The following ANKS3 variants were observed in gnomAD, a reference collection of about 807,000 sequenced individuals.
The protein encoded by ANKS3 is ankyrin repeat and SAM domain-containing protein 3.
In ANKS3, 62 loss-of-function variants were observed where a neutral mutation model predicts 80.7. The ratio of observed to expected loss-of-function variants is 0.77; its 90% CI spans 0.63 to 0.95. The LOEUF (loss-of-function observed/expected upper bound fraction) is 0.95. Among genes scored for constraint, ANKS3 ranks in the 40% least tolerant of loss-of-function variants. ANKS3 has a pLI of 0.00. For synonymous variants in ANKS3, 489 were observed against 355.3 expected (o/e 1.38, Z -4.23); for missense variants, 1,150 against 883.6 (o/e 1.30, Z -3.82).
intron 17 of ANKS3, 30 bp from the exon 18 acceptor site, chr16:4,696,926 G>A (rs2079581732): frequency 2.6e-6 from 3 of 1,173,548 alleles, no homozygotes; most frequent in Non-Finnish European, 2.5e-6. Context: ...TGAGAAGGGA[G>A]GGGGACAGGT....
chr16:4,731,020 C>T (rs1029972127), intron 2 of ANKS3, among the ~76,000 whole-genome samples: 2 of 152,180 alleles, frequency 1.3e-5, no homozygotes. Context: ...GGATGCTACT[C>T]AGCATTAAAC....
At chr16:4,726,334 G>A (rs2081350078) in intron 5 of ANKS3, among the ~76,000 whole-genome samples, 1 of 152,084 alleles carries the variant, frequency 6.6e-6, no homozygotes, top group African/African-American at 2.4e-5. Flanking sequence ...GAAAATGGAA[G>A]GAATTTGCAT....
rs1272740086 is a variant in ANKS3 at position 4,697,979 on chromosome 16, G to A, written c.1808C>T (p.Ala603Val). Residue 603 changes from alanine to valine, a missense_variant and splice_region_variant, in exon 15 of 18, where the codon GCT (alanine) becomes GTT (valine). By Grantham distance (64) the Ala-to-Val change is moderately conservative (BLOSUM62 0). Transcript: ENST00000304283. ...AATLGLAVPP[A>V]DSKGWQASLQ... ...CGGAGTCAGGCCACTGCTCTTACCA[G>A]CTGGGGGGACGGCTAGGCCCAGAGT... is the stretch of plus-strand genomic sequence containing the variant. 6.3e-7 allele frequency: 1 copy of A among 1,589,874 alleles called. No homozygotes were observed. The highest frequency in any genetic ancestry group is 1.3e-5 in the African/African-American group (1 of 74,698).
At chr16:4,701,780 TG>T in intron 9 of ANKS3, 1 of 510,350 alleles carries the variant, frequency 2.0e-6, no homozygotes, top group Non-Finnish European at 3.5e-6. Context: ...TGGCACACGG[TG>T]GGCACTATGG....
Position 4,698,531 on chromosome 16 carries a change from C to G in ANKS3, c.1620G>C (p.Glu540Asp). 1.9e-6 allele frequency: 3 copies of G among 1,575,256 alleles called. No homozygotes were observed. The highest frequency in any genetic ancestry group is 2.6e-6 in the Non-Finnish European group (3 of 1,168,674). Residue 540 changes from glutamate to aspartate, a missense_variant, in exon 14 of 18, where the codon GAG (glutamate) becomes GAC (aspartate). Physicochemically the swap from Glu to Asp is conservative, Grantham distance 45. Transcript: ENST00000304283. ...CGCGGTCCTGCTCCAGCAGGCAGCT[C>G]TCCACCACGGCGCGCAGCTCCTGCT... is the stretch of plus-strand genomic sequence containing the variant. ...CQEQELRAVVESCLLEQDRAR... is the reference protein window; with the variant it reads ...CQEQELRAVVDSCLLEQDRAR...
At chr16:4,723,226 T>C (rs920609041) in intron 6 of ANKS3, among the ~76,000 whole-genome samples, 2 of 152,224 alleles carry the variant, frequency 1.3e-5, no homozygotes, top group Non-Finnish European at 2.9e-5. Context: ...GCTTCTCGTA[T>C]ATTCACAGTT....
intron 5 of ANKS3, among the ~76,000 whole-genome samples, chr16:4,725,868 C>G (rs1316934087): frequency 1.3e-5 from 2 of 151,796 alleles, no homozygotes; most frequent in African/African-American, 4.8e-5. Context: ...CCATGTTGGC[C>G]AGACTGGTCT....
Position 4,701,103 on chromosome 16 carries a change from C to T in ANKS3, c.1151G>A (p.Arg384His). 9 of 1,614,002 alleles carry T rather than the reference C, an allele frequency of 5.6e-6. No homozygotes were observed. The highest frequency in any genetic ancestry group is 6.8e-6 in the Non-Finnish European group (8 of 1,180,044). The change falls in exon 11 of 18, where the codon CGC becomes CAC. Residue 384 changes from arginine (R) to histidine (H), a missense_variant. Transcript: ENST00000304283. ...CTTCATGTAACTTTTAGCTTGTTTG[C>T]GAGCTGAGCTTTTACAGGCATGATC... Reference protein sequence around the residue: ...DSDHACKSSARKQAKSYMKTK... With the variant: ...DSDHACKSSAHKQAKSYMKTK...
intron 11 of ANKS3, 156 bp downstream of exon 11, chr16:4,700,814 C>T (rs759519149): frequency 3.0e-5 from 30 of 992,806 alleles, no homozygotes; most frequent in African/African-American, 6.3e-5. Flanking sequence ...GCCATGGAGC[C>T]GGCTGTGAGC....
At chr16:4,720,161 C>CAAAAA (rs34135519) in intron 6 of ANKS3, among the ~76,000 whole-genome samples, 2 of 61,058 alleles carry the variant, frequency 3.3e-5, no homozygotes, top group Admixed American at 1.9e-4. Flanking sequence ...GACCCCACCC[C>CAAAAA]AAAAAAAAAA....
chr16:4,716,567 C>T (rs2080809068), intron 6 of ANKS3, among the ~76,000 whole-genome samples: 1 of 151,928 alleles, frequency 6.6e-6, no homozygotes, highest in African/African-American at 2.4e-5. Flanking sequence ...TCTAGAGTGC[C>T]CCCCATCCTA....
At position 4,702,232 on chromosome 16, in the gene ANKS3, A is replaced by G. The variant is rs770886046; in HGVS notation, c.879T>C (p.Pro293=). ...RAPRPRYEQA[P]PRGYVTFNSS... is the part of the protein sequence containing the mutation. ...TGTTGAAGGTGACATAGCCACGGGG[A>G]GGAGCCTGCTCTGTGTACAGAATGG... The change falls in exon 9 of 18, where the codon CCT becomes CCC. Residue 293 remains proline, a synonymous_variant. Coordinates refer to ENST00000304283, the MANE Select transcript of ANKS3 (RefSeq NM_133450.4). 4 of 1,582,732 alleles carry G rather than the reference A, an allele frequency of 2.5e-6. 1 individual carries two copies. The South Asian group carries it at 4.6e-5, about 18-fold the overall frequency.
At chr16:4,717,225 G>A (rs182384646) in intron 6 of ANKS3, among the ~76,000 whole-genome samples, 18 of 152,074 alleles carry the variant, frequency 1.2e-4, no homozygotes, top group African/African-American at 4.1e-4. Flanking sequence ...CTGGGCAACA[G>A]ACGAAGCAAG....
At position 4,700,987 on chromosome 16, in the gene ANKS3, G is replaced by A. The variant is rs764313516; in HGVS notation, c.1267C>T (p.Pro423Ser). Residue 423 changes from proline (P) to serine (S), a missense_variant, in exon 11 of 18, where the codon CCC becomes TCC. Pro to Ser is a moderately conservative substitution (Grantham distance 74). Coordinates refer to ENST00000304283, the MANE Select transcript of ANKS3 (RefSeq NM_133450.4). The stretch of plus-strand genomic sequence containing the variant: ...GGTCTTACCTGGGGTCCTGAGTAGG[G>A]GGCCCTCTGAGTCTGGGGGCTGGAC... ...AESSPQTQRAPYSGPQDLAAL... is the reference protein window; with the variant it reads ...AESSPQTQRASYSGPQDLAAL... The A allele has an allele frequency of 1.9e-6, 3 of 1,613,830 alleles. No individual in the cohort carries two copies. The highest frequency in any genetic ancestry group is 2.5e-6 in the Non-Finnish European group (3 of 1,179,968).
At chr16:4,701,633 C>G (rs77192916) in intron 9 of ANKS3, 90 bp from the exon 10 acceptor site, 2 of 1,158,438 alleles carry the variant, frequency 1.7e-6, no homozygotes, top group Non-Finnish European at 2.4e-6. Context: ...TCCACCAGGG[C>G]ACTCCTTGGG....
intron 7 of ANKS3, among the ~76,000 whole-genome samples, chr16:4,711,633 A>C (rs2080489280): frequency 6.7e-6 from 1 of 150,362 alleles, no homozygotes; most frequent in Admixed American, 6.7e-5. Flanking sequence ...CAGGAGAATC[A>C]CTTGAACCCG....
intron 7 of ANKS3, among the ~76,000 whole-genome samples, chr16:4,712,889 A>G (rs937693080): frequency 6.6e-6 from 1 of 152,166 alleles, no homozygotes; most frequent in African/African-American, 2.4e-5. Context: ...TAAAGATTAT[A>G]TGTTAGTACA....
chr16:4,705,015 C>T lies in ANKS3; in HGVS notation c.868+80G>A, dbSNP rs2080107415. ...GTCCAGCGACCCACATTTCAGGAGCCTAAGAGCTATTCCATTCTTGCCAAC... is the reference window on the plus strand; with the variant it reads ...GTCCAGCGACCCACATTTCAGGAGCTTAAGAGCTATTCCATTCTTGCCAAC... On this transcript the variant is annotated intron_variant, in intron 8 of 17. Coordinates refer to ENST00000304283, the MANE Select transcript of ANKS3 (RefSeq NM_133450.4). 8 of 1,553,190 alleles carry T rather than the reference C, an allele frequency of 5.2e-6. No individual in the cohort carries two copies. In the South Asian group the frequency reaches 9.7e-5, roughly 19 times the overall value.
intron 1 of ANKS3, among the ~76,000 whole-genome samples, chr16:4,733,055 G>A (rs2081735983): frequency 1.3e-5 from 2 of 151,868 alleles, no homozygotes; most frequent in African/African-American, 2.4e-5. Context: ...GAAAGTAGAA[G>A]GATGGTTACT....
Sources: gnomAD v4.1 joint callset for allele counts (sites outside exome capture counted in the v4.1 genomes callset) on GRCh38, gnomAD v4.1.1 for gene constraint, MANE v1.5 for transcripts, NCBI Gene and HGNC (gene_info 2026-07-23, HGNC 2026-07-21) for gene names.